The following TDP1 variants were observed in gnomAD, a reference collection of about 807,000 sequenced individuals.
TDP1 encodes the protein tyr-DNA phosphodiesterase 1.
A neutral mutation model predicts 81.5 loss-of-function variants in TDP1; 64 were observed. The observed-to-expected ratio is 0.79, with a 90% CI of 0.64 to 0.97. The LOEUF is 0.97. TDP1 is among the 50% of genes least tolerant of loss of function. The pLI, the probability that TDP1 is intolerant of heterozygous loss-of-function variation, is 0.00. For synonymous variants in TDP1, 256 were observed against 264.3 expected, an observed-to-expected ratio of 0.97 and a Z score of 0.30; for missense variants, 723 against 743.8, an observed-to-expected ratio of 0.97 and a Z score of 0.33.
intron 14 of TDP1, among the ~76,000 whole-genome samples, chr14:90,012,770 AC>A (rs1354714432): frequency 1.3e-5 from 2 of 152,060 alleles, no homozygotes; most frequent in Non-Finnish European, 2.9e-5. Context: ...AGATCCACTG[AC>A]AGCTTGCATG....
chr14:90,021,530 C>T (rs1232724646), intron 15 of TDP1, among the ~76,000 whole-genome samples: 1 of 152,106 alleles, frequency 6.6e-6, no homozygotes, highest in African/African-American at 2.4e-5. Context: ...AATGTATTGC[C>T]CTTCCAGGTC....
chr14:90,020,580 T>C (rs1401172485), intron 15 of TDP1, among the ~76,000 whole-genome samples: 17 of 8,314 alleles, frequency 2.0e-3, no homozygotes, highest in African/African-American at 8.0e-3. Flanking sequence ...CCTTCCTTCC[T>C]TCCCTCCCTC....
chr14:89,988,296 T>G (rs1266590575), intron 10 of TDP1, among the ~76,000 whole-genome samples: 1 of 152,182 alleles, frequency 6.6e-6, no homozygotes, highest in Non-Finnish European at 1.5e-5. Flanking sequence ...CACTGGCCAT[T>G]GCTGATCAGC....
At position 89,960,863 on chromosome 14, in the gene TDP1, C is replaced by T. The variant is rs1286930; in HGVS notation, c.-7-2245C>T. On this transcript the variant is annotated intron_variant, in intron 2 of 16. Transcript: ENST00000335725. ...ATACCTTTAAAGTATTTCCAACCCT[C>T]CCCTGCCCCGCCCTGCTGTGTTCAC... Among the ~76,000 whole-genome samples, 684 of 152,312 alleles carry T rather than the reference C, an allele frequency of 4.5e-3. 5 individuals carry two copies. The highest frequency in any genetic ancestry group is 0.015 in the African/African-American group (639 of 41,578).
At position 89,989,058 on chromosome 14, in the gene TDP1, A is replaced by C. The variant is rs142617026; in HGVS notation, c.1285A>C (p.Thr429Pro). The change falls in exon 11 of 17, where the codon ACT (threonine) becomes CCT (proline). Residue 429 changes from threonine to proline, a missense_variant. Transcript: ENST00000335725. Reference sequence around the variant, plus strand: ...GCTGACACTGGGGAAGGAAAGCAAGACTCCAGGAAAAAGCTCTGTTCCTCT... The same window carrying C: ...GCTGACACTGGGGAAGGAAAGCAAGCCTCCAGGAAAAAGCTCTGTTCCTCT... ...SMLTLGKESKTPGKSSVPLYL... is the reference protein window; with the variant it reads ...SMLTLGKESKPPGKSSVPLYL... 1.9e-5 allele frequency: 31 copies of C among 1,613,850 alleles called. No homozygotes were observed. The highest frequency in any genetic ancestry group is 2.2e-5 in the South Asian group (2 of 91,076).
chr14:90,033,383 A>C, intron 16 of TDP1, 169 bp downstream of exon 16: 1 of 691,380 alleles, frequency 1.4e-6, no homozygotes. Flanking sequence ...GCCACTGGTT[A>C]GTCTTGGAAT....
chr14:89,992,088 C>G, intron 13 of TDP1, 105 bp downstream of exon 13: 1 of 932,300 alleles, frequency 1.1e-6, no homozygotes, highest in Non-Finnish European at 1.7e-6. Context: ...TGTAATATAG[C>G]TATATTCTTT....
rs1308525611 is a variant in TDP1, at chr14:90,036,811, C to A, written c.1753+3597C>A. Among the ~76,000 whole-genome samples, 5 of 133,236 alleles carry A rather than the reference C, an allele frequency of 3.8e-5. No homozygotes were observed. In the South Asian group the frequency reaches 1.1e-3, roughly 29 times the overall value. The allele number at this position is 133,236 out of a possible 152,430, so 87.4% of individuals were successfully genotyped here. A position where few individuals can be genotyped will look rare whatever the true frequency, so the allele number is the denominator to read the frequency against. On this transcript the variant is annotated intron_variant, in intron 16 of 16. Coordinates refer to ENST00000335725, the MANE Select transcript of TDP1 (RefSeq NM_018319.4). ...AATTTTAAAAGAAGCCCCTCCCCCG[C>A]CCCTTAAAAAAAAAAAAAGATAGGG...
chr14:90,032,806 T>C (rs1887432450), intron 15 of TDP1: 7 of 984,980 alleles, frequency 7.1e-6, no homozygotes, highest in African/African-American at 1.7e-5. Flanking sequence ...TAATGTTGGG[T>C]TGAAATGGGC....
At chr14:90,032,312 G>A (rs980425211) in intron 15 of TDP1, among the ~76,000 whole-genome samples, 2 of 152,062 alleles carry the variant, frequency 1.3e-5, no homozygotes, top group African/African-American at 4.8e-5. Flanking sequence ...AGCACTGTTG[G>A]GTATGTGCCT....
intron 16 of TDP1, among the ~76,000 whole-genome samples, chr14:90,041,996 A>G (rs1430489466): frequency 6.6e-6 from 1 of 152,188 alleles, no homozygotes; most frequent in Non-Finnish European, 1.5e-5. Flanking sequence ...TAGAGGAGGA[A>G]CTTGATGCCA....
intron 16 of TDP1, among the ~76,000 whole-genome samples, chr14:90,037,344 AG>A (rs1887919523): frequency 6.6e-6 from 1 of 152,234 alleles, no homozygotes; most frequent in African/African-American, 2.4e-5. Context: ...TAATGAGCTA[AG>A]GGTGAAATAA....
chr14:90,018,573 A>G lies in TDP1; in HGVS notation c.1542-743A>G, dbSNP rs529064763. ...CCTCCCAGGCTCAAGCGATCCTCCC[A>G]CCGCAGCCTTCCAAGTAGCTAGGAC... On this transcript the variant is annotated intron_variant, in intron 14 of 16. Coordinates refer to ENST00000335725, the MANE Select transcript of TDP1 (RefSeq NM_018319.4). 4.6e-5 allele frequency among the ~76,000 whole-genome samples: 7 copies of G among 152,168 alleles called. No individual in the cohort carries two copies. The East Asian group carries it at 1.2e-3, about 25-fold the overall frequency.
chr14:90,042,041 A>C (rs1888408627), intron 16 of TDP1, among the ~76,000 whole-genome samples: 1 of 152,160 alleles, frequency 6.6e-6, no homozygotes, highest in Non-Finnish European at 1.5e-5. Flanking sequence ...ATTAAGAGGG[A>C]CGGAGGAGGT....
intron 14 of TDP1, among the ~76,000 whole-genome samples, chr14:90,007,999 T>A (rs895478340): frequency 6.6e-6 from 1 of 152,240 alleles, no homozygotes; most frequent in African/African-American, 2.4e-5. Context: ...AAAAGCTGTC[T>A]CATCTCTGGC....
intron 15 of TDP1, among the ~76,000 whole-genome samples, chr14:90,020,450 A>G (rs1172864791): frequency 1.8e-5 from 2 of 111,690 alleles, no homozygotes; most frequent in Non-Finnish European, 3.4e-5. Flanking sequence ...CTTTGCCCAC[A>G]TGATCAGATG....
chr14:90,009,649 AT>A (rs766415278), intron 14 of TDP1, among the ~76,000 whole-genome samples: 5 of 152,382 alleles, frequency 3.3e-5, no homozygotes, highest in African/African-American at 4.8e-5. Context: ...AGGCAAAAAA[AT>A]AAAAGACATA....
rs150456587 is a variant in TDP1, at chr14:90,000,837, A to T, written c.1541+7354A>T. Reference sequence around the variant, plus strand: ...TCAAAAGACTGAACCTCTGGCTCCAAAGCTCTTTGAGAAGTTCTGTACTTT... The same window carrying T: ...TCAAAAGACTGAACCTCTGGCTCCATAGCTCTTTGAGAAGTTCTGTACTTT... On this transcript the variant is annotated intron_variant, in intron 14 of 16. Transcript: ENST00000335725. Among the ~76,000 whole-genome samples the T allele has an allele frequency of 8.5e-5, 13 of 152,360 alleles. No homozygotes were observed. The East Asian group carries it at 2.5e-3, about 29-fold the overall frequency.
rs1411470388 is a variant in TDP1 at position 89,998,406 on chromosome 14, A to ATG, written c.1541+4924_1541+4925insGT. Among the ~76,000 whole-genome samples the ATG allele has an allele frequency of 5.6e-4, 60 of 107,614 alleles. 1 individual carries two copies. The highest frequency in any genetic ancestry group is 1.7e-3 in the African/African-American group (36 of 21,672). The allele number at this position is 107,614 out of a possible 152,430, so 70.6% of individuals were successfully genotyped here. ...TATATATATATATATATATATATATATATATATATATATATATGTATGTAT... is the reference window on the plus strand; with the variant it reads ...TATATATATATATATATATATATATATGTATATATATATATATATGTATGTAT... On this transcript the variant is annotated intron_variant, in intron 14 of 16. Transcript: ENST00000335725.
Sources: gnomAD v4.1 joint callset for allele counts (sites outside exome capture counted in the v4.1 genomes callset) on GRCh38, gnomAD v4.1.1 for gene constraint, MANE v1.5 for transcripts, NCBI Gene and HGNC (gene_info 2026-07-23, HGNC 2026-07-21) for gene names.